The following COL23A1 variants were observed in gnomAD, a reference collection of about 807,000 sequenced individuals.
COL23A1 encodes collagen type XXIII alpha 1 chain.
A neutral mutation model predicts 99.3 loss-of-function variants in COL23A1; 97 were observed. That is an observed-to-expected ratio of 0.98 (90% CI 0.83 to 1.16). The LOEUF (loss-of-function observed/expected upper bound fraction) is 1.16, where lower values mean the gene tolerates loss of function less well. Ranked by LOEUF, COL23A1 falls within the 50% of genes most tolerant of loss-of-function variation. The pLI, the probability that COL23A1 is intolerant of heterozygous loss-of-function variation, is 0.00. For synonymous variants in COL23A1, 320 were observed against 308.2 expected (o/e 1.04, Z -0.40); for missense variants, 762 against 757.4 (o/e 1.01, Z -0.07).
chr5:178,262,086 A>G (rs1765656309), intron 10 of COL23A1, 131 bp downstream of exon 10: 13 of 998,728 alleles, frequency 1.3e-5, no homozygotes, highest in Non-Finnish European at 2.0e-5. Context: ...AGACACGTAC[A>G]TGCAGAGGCG....
intron 2 of COL23A1, among the ~76,000 whole-genome samples, chr5:178,534,966 CT>C (rs1172221685): frequency 5.2e-5 from 7 of 134,986 alleles, no homozygotes; most frequent in Non-Finnish European, 9.4e-5. Context: ...CTTCTTTTTC[CT>C]TTTTCTTTTT....
chr5:178,416,830 T>C (rs188414293), intron 2 of COL23A1, among the ~76,000 whole-genome samples: 282 of 151,592 alleles, frequency 1.9e-3, no homozygotes, highest in African/African-American at 6.6e-3. Context: ...GGCTGCATTC[T>C]CAGATGGAGA....
intron 2 of COL23A1, among the ~76,000 whole-genome samples, chr5:178,357,411 C>T (rs1370519461): frequency 6.6e-6 from 1 of 152,230 alleles, no homozygotes; most frequent in Non-Finnish European, 1.5e-5. Flanking sequence ...ACTCAGAGAA[C>T]TCACAATGAA....
At chr5:178,565,485 A>C (rs1258210981) in intron 1 of COL23A1, among the ~76,000 whole-genome samples, 1 of 152,038 alleles carries the variant, frequency 6.6e-6, no homozygotes, top group Non-Finnish European at 1.5e-5. Context: ...TCTCACCACC[A>C]CCAGCAACCC....
At chr5:178,311,743 T>TTTTG (rs1758700527) in intron 2 of COL23A1, among the ~76,000 whole-genome samples, 1 of 106,456 alleles carries the variant, frequency 9.4e-6, no homozygotes, top group Non-Finnish European at 1.9e-5. Flanking sequence ...GTTTTGTTTT[T>TTTTG]TTTTTGAGAC....
chr5:178,435,728 T>C (rs1561970020), intron 2 of COL23A1, among the ~76,000 whole-genome samples: 1 of 152,040 alleles, frequency 6.6e-6, no homozygotes, highest in South Asian at 2.1e-4. Context: ...GAAGCCGCAA[T>C]TGCATGCAGG....
chr5:178,342,794 AAAACAAAC>A (rs148149929), intron 2 of COL23A1, among the ~76,000 whole-genome samples: 2 of 150,452 alleles, frequency 1.3e-5, no homozygotes, highest in Non-Finnish European at 3.0e-5. Flanking sequence ...CAAGAAAAAA[AAAACAAAC>A]AAACAGAAAA....
intron 2 of COL23A1, among the ~76,000 whole-genome samples, chr5:178,505,508 C>T (rs541157615): frequency 3.9e-5 from 6 of 152,216 alleles, no homozygotes; most frequent in African/African-American, 1.4e-4. Context: ...ACCTCAGCCT[C>T]CCAAAGTGCT....
chr5:178,442,153 C>A (rs1198291498), intron 2 of COL23A1, among the ~76,000 whole-genome samples: 2 of 151,706 alleles, frequency 1.3e-5, no homozygotes, highest in African/African-American at 4.9e-5. Context: ...TGGCCAAGGT[C>A]CCCAGATGAT....
At chr5:178,557,093 A>G (rs916953985) in intron 2 of COL23A1, among the ~76,000 whole-genome samples, 11 of 152,324 alleles carry the variant, frequency 7.2e-5, no homozygotes, top group African/African-American at 1.9e-4. Context: ...CTCCTCAGGG[A>G]GAGTCCCTCC....
At chr5:178,373,585 T>G (rs1216799698) in intron 2 of COL23A1, among the ~76,000 whole-genome samples, 1 of 152,080 alleles carries the variant, frequency 6.6e-6, no homozygotes, top group Non-Finnish European at 1.5e-5. Flanking sequence ...CCAGCTACTT[T>G]TTTTATTTTT....
intron 6 of COL23A1, among the ~76,000 whole-genome samples, chr5:178,269,777 C>T (rs1457535700): frequency 6.8e-6 from 1 of 147,004 alleles, no homozygotes; most frequent in Non-Finnish European, 1.5e-5. Context: ...CCAATCCATC[C>T]ATCCATCTAT....
chr5:178,460,747 A>G (rs1043869166), intron 2 of COL23A1, among the ~76,000 whole-genome samples: 1 of 152,126 alleles, frequency 6.6e-6, no homozygotes, highest in African/African-American at 2.4e-5. Flanking sequence ...CCTGGCATGC[A>G]TGGACATTTT....
intron 2 of COL23A1, chr5:178,351,083 C>T (rs1418199947): frequency 6.6e-6 from 1 of 152,302 alleles, no homozygotes; most frequent in Non-Finnish European, 1.5e-5. Flanking sequence ...TTCGCAGCTC[C>T]ACTGACTGTC....
At chr5:178,270,400 G>A (rs760780979) in intron 5 of COL23A1, 37 bp from the exon 6 acceptor site, 21 of 1,611,976 alleles carry the variant, frequency 1.3e-5, no homozygotes, top group South Asian at 3.3e-5. Flanking sequence ...GGTTACACAC[G>A]GGGATGACAC....
chr5:178,334,650 C>T (rs1270563471), intron 2 of COL23A1, among the ~76,000 whole-genome samples: 1 of 152,148 alleles, frequency 6.6e-6, no homozygotes, highest in Non-Finnish European at 1.5e-5. Context: ...AGACACTTCC[C>T]AAGAAAATTA....
chr5:178,348,067 G>C (rs186576655), intron 2 of COL23A1, among the ~76,000 whole-genome samples: 1 of 151,688 alleles, frequency 6.6e-6, no homozygotes, highest in Non-Finnish European at 1.5e-5. Flanking sequence ...AGTGCCCCTC[G>C]GGGTCTCGCA....
intron 17 of COL23A1, among the ~76,000 whole-genome samples, chr5:178,251,311 G>A (rs551110577): frequency 2.6e-5 from 4 of 151,996 alleles, no homozygotes; most frequent in East Asian, 3.9e-4. Context: ...GTGAGCCACC[G>A]TGCCCGGCCG....
chr5:178,477,035 T>C (rs1421830903), intron 2 of COL23A1, among the ~76,000 whole-genome samples: 4 of 152,140 alleles, frequency 2.6e-5, no homozygotes, highest in Non-Finnish European at 5.9e-5. Context: ...ATCCCTATAG[T>C]AGGGTTAACA....
Sources: gnomAD v4.1 joint callset for allele counts (sites outside exome capture counted in the v4.1 genomes callset) on GRCh38, gnomAD v4.1.1 for gene constraint, MANE v1.5 for transcripts, NCBI Gene and HGNC (gene_info 2026-07-23, HGNC 2026-07-21) for gene names.